The following NSRP1 variants were observed in gnomAD, a reference collection of about 807,000 sequenced individuals.
NSRP1 encodes nuclear speckle splicing regulatory protein 1, also known as coiled-coil domain containing 55.
In NSRP1, 24 loss-of-function variants were observed where a neutral mutation model predicts 54.7. The ratio of observed to expected loss-of-function variants is 0.44; its 90% confidence interval spans 0.32 to 0.62. NSRP1 has a LOEUF of 0.62. Among genes scored for constraint, NSRP1 ranks in the 20% least tolerant of loss-of-function variants. The pLI is 0.06. For missense variants in NSRP1, 596 were observed against 651.2 expected (o/e 0.92, Z 0.92); for synonymous variants, 210 against 213.8 (o/e 0.98, Z 0.15).
At chr17:30,165,099 C>T (rs754319477) in intron 2 of NSRP1, among the ~76,000 whole-genome samples, 10 of 152,048 alleles carry the variant, frequency 6.6e-5, no homozygotes, top group African/African-American at 1.7e-4. Context: ...AATCTCAAAA[C>T]GATATACTGC....
chr17:30,130,467 A>G (rs1337862210), intron 2 of NSRP1, among the ~76,000 whole-genome samples: 1 of 152,134 alleles, frequency 6.6e-6, no homozygotes, highest in African/African-American at 2.4e-5. Context: ...GTTTTTCAAC[A>G]TGTGCTCATT....
chr17:30,144,329 T>C (rs1243321351), intron 2 of NSRP1, among the ~76,000 whole-genome samples: 1 of 151,636 alleles, frequency 6.6e-6, no homozygotes, highest in Non-Finnish European at 1.5e-5. Context: ...GGCACAATCT[T>C]GGCCCTCTGC....
At chr17:30,157,000 A>G (rs1904334555) in intron 2 of NSRP1, among the ~76,000 whole-genome samples, 1 of 152,184 alleles carries the variant, frequency 6.6e-6, no homozygotes, top group Non-Finnish European at 1.5e-5. Flanking sequence ...TCCTTTGAAT[A>G]AATACCCAGT....
chr17:30,138,908 C>CCTT (rs1567793683), intron 2 of NSRP1, among the ~76,000 whole-genome samples: 1 of 64,926 alleles, frequency 1.5e-5, no homozygotes, highest in African/African-American at 4.7e-5. Context: ...CAAGTCTTAG[C>CCTT]GTTTTTTTTT....
intron 2 of NSRP1, chr17:30,163,245 GTGTTTT>G (rs1904599286): frequency 7.9e-6 from 1 of 126,944 alleles, no homozygotes; most frequent in African/African-American, 3.6e-5. Flanking sequence ...GTGTGTGTGT[GTGTTTT>G]TAGTAGAGAC....
intron 2 of NSRP1, among the ~76,000 whole-genome samples, chr17:30,130,574 T>G (rs2151880253): frequency 6.6e-6 from 1 of 152,328 alleles, no homozygotes; most frequent in South Asian, 2.1e-4. Flanking sequence ...ATTTCTACAA[T>G]AACAATTTAT....
At chr17:30,137,963 T>C (rs2071764851) in intron 2 of NSRP1, among the ~76,000 whole-genome samples, 1 of 152,206 alleles carries the variant, frequency 6.6e-6, no homozygotes, top group South Asian at 2.1e-4. Flanking sequence ...TTGAGAACTT[T>C]TTTATCTTCC....
intron 2 of NSRP1, among the ~76,000 whole-genome samples, chr17:30,161,161 T>C (rs1406460569): frequency 6.6e-6 from 1 of 152,248 alleles, no homozygotes; most frequent in Non-Finnish European, 1.5e-5. Flanking sequence ...TTCTGGGTTT[T>C]GGCTATTACA....
chr17:30,118,847 C>T (rs1789641294), intron 2 of NSRP1, among the ~76,000 whole-genome samples: 2 of 151,086 alleles, frequency 1.3e-5, no homozygotes, highest in African/African-American at 4.9e-5. Flanking sequence ...CTCCTGGGTT[C>T]AAGCGATTCT....
At chr17:30,183,507 G>C (rs1379373303) in intron 6 of NSRP1, among the ~76,000 whole-genome samples, 1 of 152,182 alleles carries the variant, frequency 6.6e-6, no homozygotes, top group Non-Finnish European at 1.5e-5. Flanking sequence ...TAATGTCGTT[G>C]ACATAGTTGT....
intron 2 of NSRP1, among the ~76,000 whole-genome samples, chr17:30,169,493 A>G (rs570076569): frequency 2.0e-5 from 3 of 152,226 alleles, no homozygotes; most frequent in Admixed American, 1.3e-4. Flanking sequence ...AGAAATACAG[A>G]CATGAAAATA....
At chr17:30,169,791 A>G (rs1327739363) in intron 2 of NSRP1, among the ~76,000 whole-genome samples, 1 of 151,820 alleles carries the variant, frequency 6.6e-6, no homozygotes, top group African/African-American at 2.4e-5. Flanking sequence ...ACCTTTGTGT[A>G]TTAAATTGAT....
At chr17:30,125,869 T>C (rs1597593806) in intron 2 of NSRP1, 3 of 152,072 alleles carry the variant, frequency 2.0e-5, no homozygotes, top group African/African-American at 7.2e-5. Context: ...CTTTTTCAAA[T>C]TGTCAGAATA....
At chr17:30,129,368 CAT>C (rs1567790589) in intron 2 of NSRP1, among the ~76,000 whole-genome samples, 3 of 148,740 alleles carry the variant, frequency 2.0e-5, no homozygotes, top group African/African-American at 4.9e-5. Context: ...TTTTCAAAAT[CAT>C]ATTATTATTT....
chr17:30,178,931 A>T (rs908167599), intron 4 of NSRP1, among the ~76,000 whole-genome samples, 159 bp from the exon 5 acceptor site: 22 of 152,158 alleles, frequency 1.4e-4, no homozygotes, highest in Non-Finnish European at 2.8e-4. Context: ...TATGGAAAAC[A>T]GTTTCAATAT....
At chr17:30,131,568 A>T (rs2071700374) in intron 2 of NSRP1, among the ~76,000 whole-genome samples, 1 of 152,172 alleles carries the variant, frequency 6.6e-6, no homozygotes, top group Admixed American at 6.5e-5. Context: ...CCTATACCAT[A>T]ATTTTAAAAT....
chr17:30,184,375 C>T (rs902198629), intron 6 of NSRP1, among the ~76,000 whole-genome samples: 13 of 152,266 alleles, frequency 8.5e-5, no homozygotes, highest in Non-Finnish European at 1.3e-4. Flanking sequence ...GTATAGTAGA[C>T]AAGGGCTAAT....
chr17:30,158,159 A>C (rs1904378444), intron 2 of NSRP1, among the ~76,000 whole-genome samples: 1 of 152,046 alleles, frequency 6.6e-6, no homozygotes, highest in Non-Finnish European at 1.5e-5. Context: ...TTAATAATAG[A>C]GGTTCCAGCT....
intron 1 of NSRP1, among the ~76,000 whole-genome samples, chr17:30,117,809 A>G (rs1399638997): frequency 6.7e-6 from 1 of 148,488 alleles, no homozygotes; most frequent in African/African-American, 2.5e-5. Flanking sequence ...ATCTTAAAAC[A>G]TTTCTGAACT....
Sources: gnomAD v4.1 joint callset for allele counts (sites outside exome capture counted in the v4.1 genomes callset) on GRCh38, gnomAD v4.1.1 for gene constraint, MANE v1.5 for transcripts, NCBI Gene and HGNC (gene_info 2026-07-23, HGNC 2026-07-21) for gene names.